Variants in ZNF182 observed in about 807,000 individuals in gnomAD.
The protein encoded by ZNF182 is zinc finger protein 21 (KOX 14).
ZNF182 carries 10 observed loss-of-function variants against 28.1 expected under a neutral mutation model. The ratio of observed to expected loss-of-function variants is 0.36; its 90% CI spans 0.22 to 0.60. The LOEUF (loss-of-function observed/expected upper bound fraction) is 0.60. Ranked by LOEUF, ZNF182 falls within the 20% of genes least tolerant of loss-of-function variation. ZNF182 has a pLI of 0.75. For synonymous variants in ZNF182, 156 were observed against 158.7 expected, an observed-to-expected ratio of 0.98 and a Z score of 0.13; for missense variants, 352 against 453.2, an observed-to-expected ratio of 0.78 and a Z score of 2.03.
chrX:47,977,534 T>C lies in ZNF182; in HGVS notation c.496A>G (p.Asn166Asp). 1.7e-6 allele frequency: 2 copies of C among 1,208,014 alleles called. No homozygotes were observed. The highest frequency in any genetic ancestry group is 2.2e-5 in the Admixed American group (1 of 45,233). The change falls in exon 6 of 6, where the codon AAT (asparagine) becomes GAT (aspartate). Residue 166 changes from asparagine (N) to aspartate (D), a missense_variant. By Grantham distance (23) the Asn-to-Asp change is conservative. Transcript: ENST00000376943. ...SRSSAENKYD[N>D]GCAKLFFHTE... ...TGGAAGAACAATTTTGCACATCCAT[T>C]ATCATATTTATTTTCTGCAGAACTT...
At chrX:47,983,580 T>TA (rs782699792) in intron 3 of ZNF182, among the ~76,000 whole-genome samples, 169 bp from the exon 4 acceptor site, 2 of 110,160 alleles carry the variant, frequency 1.8e-5, no homozygotes, top group Admixed American at 9.7e-5. Flanking sequence ...AAATCATGGT[T>TA]AAAAAAAAAC....
rs1486638644 is a variant in ZNF182 at position 48,003,968 on chromosome X, C to A, written c.-299G>T. On this transcript the variant is annotated 5_prime_UTR_variant, in exon 1 of 6. Coordinates refer to ENST00000376943, the MANE Select transcript of ZNF182 (RefSeq NM_001007088.2). ...AGGAGACCGTTACAAAGCCTGGCCC[C>A]AACAAGCACTTCCGCTTCGGGACCG... 8.9e-6 allele frequency: 1 copy of A among 112,346 alleles called. No homozygotes were observed. The highest frequency in any genetic ancestry group is 1.9e-5 in the Non-Finnish European group (1 of 53,268). The allele number at this position is 112,346 out of a possible 1,213,427, so 9.3% of individuals were successfully genotyped here.
chrX:47,998,575 G>A (rs1478513072), intron 3 of ZNF182, among the ~76,000 whole-genome samples: 3 of 112,595 alleles, frequency 2.7e-5, no homozygotes, highest in African/African-American at 9.7e-5. Context: ...GCTTAGAGGA[G>A]GCCGGGTGTG....
intron 5 of ZNF182, 45 bp downstream of exon 5, chrX:47,982,904 G>T (rs782294163): frequency 2.6e-6 from 3 of 1,140,132 alleles, no homozygotes; most frequent in Non-Finnish European, 3.6e-6. Flanking sequence ...TGACTAATAG[G>T]GTGGAACTTC....
At chrX:47,980,987 A>C (rs1556899034) in intron 5 of ZNF182, among the ~76,000 whole-genome samples, 1 of 112,054 alleles carries the variant, frequency 8.9e-6, no homozygotes, top group Non-Finnish European at 1.9e-5. Context: ...CACAAGCAAC[A>C]GCCTCAAGAA....
intron 3 of ZNF182, among the ~76,000 whole-genome samples, chrX:47,989,547 T>C (rs972133963): frequency 1.5e-4 from 16 of 109,617 alleles, no homozygotes; most frequent in Non-Finnish European, 2.7e-4. Flanking sequence ...GAATCTAAAG[T>C]GAGGGACGTT....
chrX:47,996,776 A>C (rs1772849266), intron 3 of ZNF182, among the ~76,000 whole-genome samples: 1 of 111,508 alleles, frequency 9.0e-6, no homozygotes, highest in Non-Finnish European at 1.9e-5. Flanking sequence ...TGTACATATA[A>C]GAGAAATGGA....
chrX:48,003,968 C>T lies in ZNF182; in HGVS notation c.-299G>A, dbSNP rs1486638644. ...AGGAGACCGTTACAAAGCCTGGCCCCAACAAGCACTTCCGCTTCGGGACCG... is the reference window on the plus strand; with the variant it reads ...AGGAGACCGTTACAAAGCCTGGCCCTAACAAGCACTTCCGCTTCGGGACCG... On this transcript the variant is annotated 5_prime_UTR_variant, in exon 1 of 6. Transcript: ENST00000376943. 8.9e-6 allele frequency: 1 copy of T among 112,346 alleles called. No homozygotes were observed. Among genetic ancestry groups the T allele is most frequent in the Non-Finnish European group, 1.9e-5 (1 of 53,268 alleles). The allele number at this position is 112,346 out of a possible 1,213,427, so 9.3% of individuals were successfully genotyped here. A position where few individuals can be genotyped will look rare whatever the true frequency, so the allele number is the denominator to read the frequency against.
chrX:47,993,088 C>G (rs1212539284), intron 3 of ZNF182, among the ~76,000 whole-genome samples: 1 of 113,131 alleles, frequency 8.8e-6, no homozygotes, highest in African/African-American at 3.2e-5. Flanking sequence ...CCCCAGACCT[C>G]TAGGGAGGGA....
At chrX:47,996,980 T>C (rs1466600590) in intron 3 of ZNF182, among the ~76,000 whole-genome samples, 2 of 111,827 alleles carry the variant, frequency 1.8e-5, no homozygotes, top group Non-Finnish European at 3.8e-5. Context: ...CAATCTATGG[T>C]ACTTTGTTAT....
intron 3 of ZNF182, among the ~76,000 whole-genome samples, chrX:47,998,687 T>C (rs781890610): frequency 1.0e-4 from 11 of 110,244 alleles, no homozygotes; most frequent in African/African-American, 3.3e-4. Context: ...CAAAACTCTG[T>C]CTCTACTAAA....
In ZNF182 at chrX:47,977,425, A is replaced by G; in HGVS notation, c.605T>C (p.Leu202Pro). 8.3e-7 allele frequency: 1 copy of G among 1,210,187 alleles called. No homozygotes were observed. Among genetic ancestry groups the G allele is most frequent in the Non-Finnish European group, 1.1e-6 (1 of 895,142 alleles). ...ATTTTTAATTCTCTGATGTAGACTA[A>G]GGCCTTTCTTTCGCCTAAGACCTTT... ...CGKGLRRKKG[L>P]SLHQRIKNGE... The change falls in exon 6 of 6, where the codon CTT becomes CCT. Residue 202 changes from leucine to proline, a missense_variant. Coordinates refer to ENST00000376943, the MANE Select transcript of ZNF182 (RefSeq NM_001007088.2).
In ZNF182 at chrX:47,975,840, G is replaced by A. The variant is rs140119048; in HGVS notation, c.*327C>T. On this transcript the variant is annotated 3_prime_UTR_variant, in exon 6 of 6. Transcript: ENST00000376943. ...GGTTCCGCGCCTCGGGGTATATCCC[G>A]AACCTCAGCTAAGAGTCCTTACCAG... 1,296 of 185,779 alleles carry A rather than the reference G, an allele frequency of 7.0e-3. 21 individuals carry two copies. Among genetic ancestry groups the A allele is most frequent in the African/African-American group, 0.037 (1,228 of 33,435 alleles). The allele number at this position is 185,779 out of a possible 1,213,427, so 15.3% of individuals were successfully genotyped here. A position where few individuals can be genotyped will look rare whatever the true frequency, so the allele number is the denominator to read the frequency against.
At position 47,982,988 on chromosome X, in the gene ZNF182, ATTC is replaced by A. The variant is rs782336153; in HGVS notation, c.190_192del (p.Glu64del). The A allele has an allele frequency of 8.3e-7, 1 of 1,211,449 alleles. No individual in the cohort carries two copies. Reference sequence around the variant, plus strand: ...AATGGGATTTTTCCTTCTGCCGGGCATTCTTCTACCTCCAACTTGAGGATGAGG... The same window carrying A: ...AATGGGATTTTTCCTTCTGCCGGGCATTCTACCTCCAACTTGAGGATGAGG... On this transcript the variant is annotated inframe_deletion, in exon 5 of 6. Transcript: ENST00000376943.
Position 47,975,166 on chromosome X carries a change from A to G in ZNF182, c.*1001T>C, listed in dbSNP as rs1476520069. On this transcript the variant is annotated 3_prime_UTR_variant, in exon 6 of 6. Transcript: ENST00000376943. ...AAGGTTATCCCACATCACTACATAA[A>G]TGGTTTCCAAGTTCTCCTTATTTAT... 1.8e-5 allele frequency: 2 copies of G among 112,339 alleles called. No homozygotes were observed. The highest frequency in any genetic ancestry group is 9.5e-5 in the Admixed American group (1 of 10,581). 9.3% of individuals were successfully genotyped at this position (112,339 alleles called of 1,213,427 possible). A position where few individuals can be genotyped will look rare whatever the true frequency, so the allele number is the denominator to read the frequency against.
chrX:47,998,187 CA>C (rs1460342879), intron 3 of ZNF182, among the ~76,000 whole-genome samples: 1 of 108,624 alleles, frequency 9.2e-6, no homozygotes, highest in Non-Finnish European at 1.9e-5. Flanking sequence ...TGTGTTCAAG[CA>C]ATTCTCCTGC....
rs2058936408 is a variant in ZNF182 at position 47,990,088 on chromosome X, G to A, written c.16-6677C>T. ...CCACAACAAAATCCAAATCATAGCT[G>A]ACAAATTCTCAGGCATTAAAAAAAA... On this transcript the variant is annotated intron_variant, in intron 3 of 5. Transcript: ENST00000376943. Among the ~76,000 whole-genome samples, 3 of 110,226 alleles carry A rather than the reference G, an allele frequency of 2.7e-5. No individual in the cohort carries two copies. In the Admixed American group the frequency reaches 2.9e-4, roughly 11 times the overall value.
rs2058885030 is a variant in ZNF182, at chrX:47,976,590, T to C, written c.1440A>G (p.Ser480=). 7 of 1,208,768 alleles carry C rather than the reference T, an allele frequency of 5.8e-6. No individual in the cohort carries two copies. The highest frequency in any genetic ancestry group is 6.7e-6 in the Non-Finnish European group (6 of 894,609). ...NECEKAFSQK[S]YLIIHQRTHT... Reference sequence around the variant, plus strand: ...GAGTTCTTTGATGTATAATGAGATATGATTTCTGTGAAAATGCTTTTTCAC... The same window carrying C: ...GAGTTCTTTGATGTATAATGAGATACGATTTCTGTGAAAATGCTTTTTCAC... Residue 480 remains serine, a synonymous_variant, in exon 6 of 6, where the codon TCA becomes TCG. Coordinates refer to ENST00000376943, the MANE Select transcript of ZNF182 (RefSeq NM_001007088.2).
chrX:47,993,398 C>A lies in ZNF182; in HGVS notation c.15+9197G>T, dbSNP rs188677346. On this transcript the variant is annotated intron_variant, in intron 3 of 5. Coordinates refer to ENST00000376943, the MANE Select transcript of ZNF182 (RefSeq NM_001007088.2). Reference sequence around the variant, plus strand: ...TGAGTTGTTCTAACAAATTACTGAACCTGAAGGGTACATGAGAATCTCTGA... The same window carrying A: ...TGAGTTGTTCTAACAAATTACTGAAACTGAAGGGTACATGAGAATCTCTGA... Among the ~76,000 whole-genome samples the A allele has an allele frequency of 4.5e-5, 5 of 112,005 alleles. No individual in the cohort carries two copies. The East Asian group carries it at 1.1e-3, about 25-fold the overall frequency.
Sources: gnomAD v4.1 joint callset for allele counts (sites outside exome capture counted in the v4.1 genomes callset) on GRCh38, gnomAD v4.1.1 for gene constraint, MANE v1.5 for transcripts, NCBI Gene and HGNC (gene_info 2026-07-23, HGNC 2026-07-21) for gene names.